The following R3HDM2 variants were observed in gnomAD, a reference collection of about 807,000 sequenced individuals.
R3HDM2 encodes R3H domain-containing protein 2.
A neutral mutation model predicts 124.5 loss-of-function variants in R3HDM2; 38 were observed. The ratio of observed to expected loss-of-function variants is 0.31; its 90% CI spans 0.24 to 0.40. The LOEUF (loss-of-function observed/expected upper bound fraction) is 0.40, where lower values mean the gene tolerates loss of function less well. R3HDM2 is among the 10% of genes least tolerant of loss of function. The probability of loss-of-function intolerance (pLI) is 1.00; values close to 1 mark genes in which losing one functional copy is unlikely to be tolerated. For missense variants in R3HDM2, 869 were observed against 1,236.9 expected, an observed-to-expected ratio of 0.70 and a Z score of 4.46; for synonymous variants, 391 against 448.0, an observed-to-expected ratio of 0.87 and a Z score of 1.61.
Position 57,268,913 on chromosome 12 carries a change from T to A in R3HDM2, c.1875+9A>T. The A allele has an allele frequency of 1.2e-6, 2 of 1,613,334 alleles. No homozygotes were observed. Among genetic ancestry groups the A allele is most frequent in the Non-Finnish European group, 1.7e-6 (2 of 1,179,676 alleles). On this transcript the variant is annotated intron_variant, in intron 17 of 23. Transcript: ENST00000402412. ...TGGGGTGATCCTTCCCAATGCAGAA[T>A]GCACCCACTTGGTAAGAAGGCAGTG...
intron 1 of R3HDM2, among the ~76,000 whole-genome samples, chr12:57,429,218 C>T (rs1461091116): frequency 6.6e-6 from 1 of 151,088 alleles, no homozygotes; most frequent in Admixed American, 6.6e-5. Flanking sequence ...AAGATCCCAT[C>T]CCTACGAAAA....
chr12:57,370,395 C>G (rs2063174892), intron 2 of R3HDM2, among the ~76,000 whole-genome samples: 1 of 72,120 alleles, frequency 1.4e-5, no homozygotes, highest in Non-Finnish European at 2.8e-5. Flanking sequence ...CTTTGGGAGG[C>G]CCGGGGGGGG....
intron 2 of R3HDM2, among the ~76,000 whole-genome samples, chr12:57,311,294 C>T (rs1006575354): frequency 2.0e-4 from 31 of 152,024 alleles, no homozygotes; most frequent in African/African-American, 6.0e-4. Context: ...GACATGATCT[C>T]GGCTCACTGT....
intron 2 of R3HDM2, among the ~76,000 whole-genome samples, chr12:57,320,225 C>A (rs538759842): frequency 4.5e-4 from 50 of 111,518 alleles, no homozygotes; most frequent in African/African-American, 1.6e-3. Context: ...TGCTCCACTG[C>A]ACTCCAGCTT....
chr12:57,377,856 G>A (rs1191410674), intron 2 of R3HDM2, among the ~76,000 whole-genome samples: 3 of 152,154 alleles, frequency 2.0e-5, no homozygotes, highest in Admixed American at 2.0e-4. Context: ...GGGAGGCCGA[G>A]GTGGGCGGAT....
intron 2 of R3HDM2, among the ~76,000 whole-genome samples, chr12:57,360,021 ATACACACATATATATATATATATATATT>A (rs2061706531): frequency 1.2e-5 from 1 of 82,214 alleles, no homozygotes; most frequent in African/African-American, 3.6e-5. Flanking sequence ...ATATATATAT[ATACACACATATATATATATATATATATT>A]TTTTTTTTTT....
Position 57,296,395 on chromosome 12 carries a change from T to C in R3HDM2, c.701+16A>G. The C allele has an allele frequency of 6.4e-7, 1 of 1,551,920 alleles. No homozygotes were observed. The highest frequency in any genetic ancestry group is 8.7e-7 in the Non-Finnish European group (1 of 1,146,868). ...ATCCCAGGGAAGTCTTCCCAAACCA[T>C]GGTTTCCTCCCTTACATTCTTGTGT... On this transcript the variant is annotated intron_variant, in intron 9 of 23. Coordinates refer to ENST00000402412, the MANE Select transcript of R3HDM2 (RefSeq NM_001394031.1). The surrounding 1 kb of genome is among the most constrained non-coding windows in gnomAD (Gnocchi z 4.5).
intron 11 of R3HDM2, among the ~76,000 whole-genome samples, chr12:57,291,605 G>A (rs1401500725): frequency 6.6e-6 from 1 of 150,560 alleles, no homozygotes; most frequent in African/African-American, 2.4e-5. Flanking sequence ...AGTGAGCTGT[G>A]ACTGTGCCAT....
chr12:57,284,632 G>T (rs748450148), intron 12 of R3HDM2, among the ~76,000 whole-genome samples: 4 of 152,214 alleles, frequency 2.6e-5, no homozygotes. Flanking sequence ...AACTCAGTTT[G>T]ATAGTCTAGG....
Position 57,281,872 on chromosome 12 carries a change from CAA to C in R3HDM2, c.1172-1344_1172-1343del, listed in dbSNP as rs1436929588. Among the ~76,000 whole-genome samples, 3 of 152,066 alleles carry C rather than the reference CAA, an allele frequency of 2.0e-5. No individual in the cohort carries two copies. The East Asian group carries it at 5.8e-4, about 29-fold the overall frequency. ...ATAAGGAATACATCAGTGATATCGACAAAGTTGCATGAAAGCAAAGATGAGGA... is the reference window on the plus strand; with the variant it reads ...ATAAGGAATACATCAGTGATATCGACAGTTGCATGAAAGCAAAGATGAGGA... On this transcript the variant is annotated intron_variant, in intron 13 of 23. Transcript: ENST00000402412.
intron 2 of R3HDM2, among the ~76,000 whole-genome samples, chr12:57,377,563 C>G (rs545629570): frequency 1.3e-5 from 2 of 152,124 alleles, no homozygotes; most frequent in South Asian, 4.1e-4. Context: ...ATTACTGCAC[C>G]AGGAGACAGA....
intron 5 of R3HDM2, 24 bp from the exon 6 acceptor site, chr12:57,299,502 A>C (rs1040014162): frequency 4.6e-6 from 7 of 1,536,224 alleles, no homozygotes; most frequent in Non-Finnish European, 2.6e-6. Context: ...AGGATAATCA[A>C]AGGGGGAAAA....
chr12:57,373,325 C>T (rs2063602820), intron 2 of R3HDM2, among the ~76,000 whole-genome samples: 1 of 151,212 alleles, frequency 6.6e-6, no homozygotes, highest in Non-Finnish European at 1.5e-5. Context: ...ATGGTGAAAC[C>T]CCGTCTCTAC....
chr12:57,359,452 T>C (rs578083879), intron 2 of R3HDM2, among the ~76,000 whole-genome samples: 5 of 152,236 alleles, frequency 3.3e-5, no homozygotes, highest in Non-Finnish European at 7.3e-5. Context: ...AAGCTGCTTA[T>C]ATTCATGGTA....
chr12:57,278,475 T>C (rs1439587509), intron 14 of R3HDM2, among the ~76,000 whole-genome samples: 1 of 152,048 alleles, frequency 6.6e-6, no homozygotes, highest in East Asian at 1.9e-4. Context: ...AGCAAGACTA[T>C]TAAAATACAC....
chr12:57,297,460 T>C (rs917651955), intron 7 of R3HDM2, 73 bp from the exon 8 acceptor site: 72 of 907,802 alleles, frequency 7.9e-5, no homozygotes, highest in Non-Finnish European at 7.8e-5. Context: ...AAAGTGGGGA[T>C]TGAAAACACA....
chr12:57,366,433 C>T (rs969283345), intron 2 of R3HDM2, among the ~76,000 whole-genome samples: 5 of 152,208 alleles, frequency 3.3e-5, no homozygotes, highest in African/African-American at 1.2e-4. Context: ...CTATATTTCT[C>T]ATCTCAGACA....
chr12:57,370,777 A>C (rs994391640), intron 2 of R3HDM2, among the ~76,000 whole-genome samples: 2 of 152,226 alleles, frequency 1.3e-5, no homozygotes, highest in African/African-American at 4.8e-5. Flanking sequence ...CAAGGGAAAA[A>C]TAGTAAATTT....
At chr12:57,294,735 C>T (rs1207899501) in intron 10 of R3HDM2, among the ~76,000 whole-genome samples, 1 of 152,148 alleles carries the variant, frequency 6.6e-6, no homozygotes, top group African/African-American at 2.4e-5. Context: ...AAAGGGTAGG[C>T]TTCAGGTCAA....
Sources: allele counts gnomAD v4.1 joint callset (sites outside exome capture counted in the v4.1 genomes callset), GRCh38; gene constraint gnomAD v4.1.1; non-coding constraint Gnocchi (gnomAD v3.1); transcripts MANE v1.5; gene names NCBI Gene and HGNC (gene_info 2026-07-23, HGNC 2026-07-21).